PPP6R3: variants seen among roughly 807,000 people sequenced by gnomAD.
PPP6R3 encodes serine/threonine-protein phosphatase 6 regulatory subunit 3.
A neutral mutation model predicts 110.7 loss-of-function variants in PPP6R3; 38 were observed. The observed-to-expected ratio is 0.34, with a 90% CI of 0.26 to 0.45. The LOEUF (loss-of-function observed/expected upper bound fraction) is 0.45. Among genes scored for constraint, PPP6R3 ranks in the 20% least tolerant of loss-of-function variants. The probability of loss-of-function intolerance (pLI) is 1.00; values close to 1 mark genes in which losing one functional copy is unlikely to be tolerated. For synonymous variants in PPP6R3, 369 were observed against 373.5 expected, an observed-to-expected ratio of 0.99 and a Z score of 0.14; for missense variants, 870 against 1,062.4, an observed-to-expected ratio of 0.82 and a Z score of 2.52.
At chr11:68,526,647 C>T (rs2099200049) in intron 2 of PPP6R3, among the ~76,000 whole-genome samples, 2 of 152,170 alleles carry the variant, frequency 1.3e-5, no homozygotes, top group South Asian at 4.1e-4. Flanking sequence ...TGCCTCTCCT[C>T]GGTTTCCTTC....
chr11:68,518,150 T>TGTGAG (rs1452448380), intron 1 of PPP6R3, among the ~76,000 whole-genome samples: 1 of 152,220 alleles, frequency 6.6e-6, no homozygotes, highest in East Asian at 1.9e-4. Flanking sequence ...GGATGAACGT[T>TGTGAG]GTAAGAACAT....
At chr11:68,558,813 C>G in intron 8 of PPP6R3, 134 bp downstream of exon 8, 1 of 652,092 alleles carries the variant, frequency 1.5e-6, no homozygotes, top group Non-Finnish European at 2.6e-6. Context: ...GCTATATAAA[C>G]CATAGCCTAA....
chr11:68,473,194 G>A (rs2098804700), intron 1 of PPP6R3, among the ~76,000 whole-genome samples: 1 of 152,174 alleles, frequency 6.6e-6, no homozygotes, highest in African/African-American at 2.4e-5. Flanking sequence ...TTAGAGGGTT[G>A]GGACTTTCAG....
intron 1 of PPP6R3, among the ~76,000 whole-genome samples, chr11:68,508,121 C>CTTTTTTTTTTTTTTTTTTTTTTT (rs748376581): frequency 1.0e-4 from 8 of 77,622 alleles, no homozygotes; most frequent in African/African-American, 4.9e-4. Flanking sequence ...GTTTTTTGGC[C>CTTTTTTTTTTTTTTTTTTTTTTT]TTTTTTTTTT....
chr11:68,499,252 G>C (rs777106819), intron 1 of PPP6R3, among the ~76,000 whole-genome samples: 11 of 152,252 alleles, frequency 7.2e-5, no homozygotes, highest in Non-Finnish European at 1.6e-4. Flanking sequence ...ATGGTTGTCT[G>C]CTTCTGGCTT....
At chr11:68,598,453 C>T (rs937095040) in intron 19 of PPP6R3, among the ~76,000 whole-genome samples, 2 of 152,124 alleles carry the variant, frequency 1.3e-5, no homozygotes, top group Admixed American at 6.5e-5. Context: ...ACCTACCTCC[C>T]GGGGTTAAGT....
intron 23 of PPP6R3, among the ~76,000 whole-genome samples, chr11:68,610,343 G>C (rs1317147618): frequency 6.6e-6 from 1 of 152,136 alleles, no homozygotes; most frequent in Admixed American, 6.5e-5. Context: ...GCTGAGGGTG[G>C]CATTGAGCCC....
chr11:68,567,970 G>T (rs985569486), intron 10 of PPP6R3, among the ~76,000 whole-genome samples: 14 of 152,116 alleles, frequency 9.2e-5, no homozygotes, highest in African/African-American at 3.1e-4. Context: ...GTGTTTTTCA[G>T]ATCATGCCCA....
intron 7 of PPP6R3, among the ~76,000 whole-genome samples, chr11:68,555,890 G>A (rs1334482459): frequency 6.6e-6 from 1 of 152,074 alleles, no homozygotes; most frequent in Non-Finnish European, 1.5e-5. Context: ...CCCACAGTCT[G>A]TTTGAGAATA....
At chr11:68,573,148 ATATATAAT>A (rs1380183674) in intron 12 of PPP6R3, among the ~76,000 whole-genome samples, 27 of 82,460 alleles carry the variant, frequency 3.3e-4, no homozygotes, top group East Asian at 9.7e-4. Context: ...ATATATATAT[ATATATAAT>A]TTTTTTTTTT....
intron 1 of PPP6R3, among the ~76,000 whole-genome samples, chr11:68,477,719 A>G (rs137936563): frequency 9.1e-6 from 1 of 109,312 alleles, no homozygotes; most frequent in Admixed American, 1.1e-4. Flanking sequence ...AGAGAGAGAC[A>G]TTGTCTCTTA....
intron 2 of PPP6R3, among the ~76,000 whole-genome samples, chr11:68,536,751 G>T (rs923963247): frequency 2.0e-5 from 3 of 152,162 alleles, no homozygotes; most frequent in Non-Finnish European, 2.9e-5. Flanking sequence ...TCGTTTGGGG[G>T]TTACAGAGAG....
chr11:68,574,860 A>G (rs777025806), intron 13 of PPP6R3, among the ~76,000 whole-genome samples: 9 of 152,258 alleles, frequency 5.9e-5, no homozygotes, highest in Non-Finnish European at 1.3e-4. Context: ...AGGATTACCA[A>G]TCCTGAGACC....
At chr11:68,576,144 T>G in intron 14 of PPP6R3, 101 bp downstream of exon 14, 1 of 833,248 alleles carries the variant, frequency 1.2e-6, no homozygotes, top group Non-Finnish European at 1.9e-6. Flanking sequence ...TCAGTAACTG[T>G]GAGCCAAAGA....
At position 68,596,198 on chromosome 11, in the gene PPP6R3, T is replaced by G; in HGVS notation, c.2018T>G (p.Met673Arg). ...AGCAGTGCCAACACGGAGGATAAAA[T>G]GGAGGTGGACCTGAGTGAACGTAAG... Reference protein sequence around the residue: ...EPSSANTEDKMEVDLSEPPNW... With the variant: ...EPSSANTEDKREVDLSEPPNW... Residue 673 changes from methionine (M) to arginine (R), a missense_variant, in exon 19 of 24, where the codon ATG (methionine) becomes AGG (arginine). Transcript: ENST00000393800. The G allele has an allele frequency of 6.2e-7, 1 of 1,614,208 alleles. No individual in the cohort carries two copies. Among genetic ancestry groups the G allele is most frequent in the Non-Finnish European group, 8.5e-7 (1 of 1,180,034 alleles).
intron 2 of PPP6R3, among the ~76,000 whole-genome samples, chr11:68,524,239 C>T (rs2099183646): frequency 6.6e-6 from 1 of 152,110 alleles, no homozygotes; most frequent in Non-Finnish European, 1.5e-5. Flanking sequence ...TTTTTACTTA[C>T]TGGTTCTTAT....
rs2098697256 is a variant in PPP6R3 at position 68,460,775 on chromosome 11, T to G, written c.-210T>G. 2.0e-5 allele frequency: 3 copies of G among 151,820 alleles called. No homozygotes were observed. The South Asian group carries it at 6.2e-4, about 32-fold the overall frequency. The allele number at this position is 151,820 out of a possible 1,614,324, so 9.4% of individuals were successfully genotyped here. A position where few individuals can be genotyped will look rare whatever the true frequency, so the allele number is the denominator to read the frequency against. On this transcript the variant is annotated 5_prime_UTR_variant, in exon 1 of 24. Transcript: ENST00000393800. ...TTGGGCGCTTCGCTGATGGTGTCGG[T>G]GAGCGCGTTTCCCGCCTGAGCGCAA...
intron 2 of PPP6R3, among the ~76,000 whole-genome samples, chr11:68,520,687 A>T (rs570214135): frequency 6.6e-6 from 1 of 152,260 alleles, no homozygotes; most frequent in South Asian, 2.1e-4. Flanking sequence ...CTTTACCTCA[A>T]TATTCTTCCG....
At chr11:68,598,981 T>A (rs1020976398) in intron 19 of PPP6R3, among the ~76,000 whole-genome samples, 1 of 152,238 alleles carries the variant, frequency 6.6e-6, no homozygotes, top group Non-Finnish European at 1.5e-5. Flanking sequence ...CAGGCCCTCC[T>A]GTGATCTTTG....
Sources: allele counts gnomAD v4.1 joint callset (sites outside exome capture counted in the v4.1 genomes callset), GRCh38; gene constraint gnomAD v4.1.1; transcripts MANE v1.5; gene names NCBI Gene and HGNC (gene_info 2026-07-23, HGNC 2026-07-21).